PPP2R1B: variants seen among roughly 807,000 people sequenced by gnomAD.
PPP2R1B encodes the protein serine/threonine-protein phosphatase 2A 65 kDa regulatory subunit A beta isoform.
In PPP2R1B, 58 loss-of-function variants were observed where a neutral mutation model predicts 72.7. The observed-to-expected ratio is 0.80, with a 90% CI of 0.65 to 0.99. The LOEUF (loss-of-function observed/expected upper bound fraction) is 0.99. PPP2R1B is among the 50% of genes least tolerant of loss of function. PPP2R1B has a pLI of 0.00. For missense variants in PPP2R1B, 695 were observed against 733.6 expected (o/e 0.95, Z 0.61); for synonymous variants, 256 against 264.6 (o/e 0.97, Z 0.32).
At chr11:111,735,922 ATTCCCT>A (rs1256309493), downstream of PPP2R1B, among the ~76,000 whole-genome samples, 2 of 152,204 alleles carry the variant, frequency 1.3e-5, no homozygotes, top group Non-Finnish European at 2.9e-5. Context: ...GCAACAGCCA[ATTCCCT>A]TTCCATCTCA....
downstream of PPP2R1B, chr11:111,737,465 C>T (rs781147045): frequency 1.2e-6 from 2 of 1,614,272 alleles, no homozygotes. Flanking sequence ...ATGTCCTCTC[C>T]AGGCACTGTG....
At chr11:111,703,621 G>A in the PPP2R1B span, among the ~76,000 whole-genome samples, 3 of 152,160 alleles carry the variant, frequency 2.0e-5, no homozygotes, top group Admixed American at 2.0e-4. Flanking sequence ...GCCCCCATCT[G>A]CCAAAACATT....
At chr11:111,764,679 A>G (rs1555052441) in intron 3 of PPP2R1B, 126 bp downstream of exon 3, 8 of 921,834 alleles carry the variant, frequency 8.7e-6, no homozygotes, top group African/African-American at 5.0e-5. Context: ...TCAATGACTA[A>G]CATTATGACT....
In PPP2R1B at chr11:111,759,093, G is replaced by A. The variant is rs146301168; in HGVS notation, c.687+711C>T. Reference sequence around the variant, plus strand: ...CAGAGAAGCGGGACAGCCTAGCTGTGAAGGGCACAAATTCTGGAGCCAAAC... The same window carrying A: ...CAGAGAAGCGGGACAGCCTAGCTGTAAAGGGCACAAATTCTGGAGCCAAAC... On this transcript the variant is annotated intron_variant, in intron 5 of 14. Coordinates refer to ENST00000527614, the MANE Select transcript of PPP2R1B (RefSeq NM_002716.5). 2.9e-4 allele frequency among the ~76,000 whole-genome samples: 44 copies of A among 152,264 alleles called. No homozygotes were observed. In the East Asian group the frequency reaches 8.1e-3, roughly 28 times the overall value.
rs1374075098 is a variant in PPP2R1B at position 111,739,645 on chromosome 11, T to C, written c.*1951A>G. The stretch of plus-strand genomic sequence containing the variant: ...TTTTAAAAGTCTGTCCCCAAAACAA[T>C]GGCATTTCCAACCAGAGTAAAGCAA... On this transcript the variant is annotated 3_prime_UTR_variant, in exon 15 of 15. Coordinates refer to ENST00000527614, the MANE Select transcript of PPP2R1B (RefSeq NM_002716.5). 4 of 985,314 alleles carry C rather than the reference T, an allele frequency of 4.1e-6. No individual in the cohort carries two copies. Among genetic ancestry groups the C allele is most frequent in the Non-Finnish European group, 4.8e-6 (4 of 829,938 alleles). The allele number at this position is 985,314 out of a possible 1,614,324, so 61.0% of individuals were successfully genotyped here. A position where few individuals can be genotyped will look rare whatever the true frequency, so the allele number is the denominator to read the frequency against.
chr11:111,702,311 G>T, the PPP2R1B span, among the ~76,000 whole-genome samples: 2 of 152,334 alleles, frequency 1.3e-5, no homozygotes, highest in African/African-American at 4.8e-5. Flanking sequence ...TCAGTCAGGT[G>T]CAGTGGTTTA....
the PPP2R1B span, chr11:111,720,365 T>G: frequency 8.8e-7 from 1 of 1,130,102 alleles, no homozygotes; most frequent in South Asian, 1.6e-5. Flanking sequence ...GATGTTTTGA[T>G]TGGAAATTAA....
At chr11:111,718,763 G>C in the PPP2R1B span, 1 of 152,222 alleles carries the variant, frequency 6.6e-6, no homozygotes, top group South Asian at 2.1e-4. Flanking sequence ...TTTTCCAGGT[G>C]AAAGTACTGC....
chr11:111,766,056 G>C (rs1036109924), intron 1 of PPP2R1B, 192 bp downstream of exon 1: 12 of 623,660 alleles, frequency 1.9e-5, no homozygotes, highest in South Asian at 7.2e-5. Flanking sequence ...AAGGTTACTA[G>C]AGAGGTACCC....
At chr11:111,694,310 A>G in the PPP2R1B span, among the ~76,000 whole-genome samples, 15 of 152,166 alleles carry the variant, frequency 9.9e-5, no homozygotes, top group Non-Finnish European at 2.2e-4. Flanking sequence ...CATATTCTCA[A>G]TTGTCTCTGG....
chr11:111,691,908 T>G, the PPP2R1B span, among the ~76,000 whole-genome samples: 2 of 152,162 alleles, frequency 1.3e-5, no homozygotes, highest in Non-Finnish European at 2.9e-5. Flanking sequence ...ACCTTTAAGT[T>G]AATATAACAC....
chr11:111,765,252 A>C, intron 2 of PPP2R1B, 42 bp downstream of exon 2: 2 of 1,539,310 alleles, frequency 1.3e-6, no homozygotes, highest in Non-Finnish European at 1.8e-6. Flanking sequence ...GCTACTGGAA[A>C]ATGGAATGTC....
the PPP2R1B span, among the ~76,000 whole-genome samples, chr11:111,692,233 C>T: frequency 3.3e-5 from 5 of 151,468 alleles, no homozygotes; most frequent in African/African-American, 1.2e-4. Context: ...CGCCTGTAGT[C>T]CCAGCTACTC....
At chr11:111,725,701 T>C (rs1434052750), downstream of PPP2R1B, 1 of 152,620 alleles carries the variant, frequency 6.6e-6, no homozygotes, top group East Asian at 1.9e-4. Flanking sequence ...CCTTTCCTCT[T>C]TGTAGTTAGC....
chr11:111,742,323 A>ACT, intron 13 of PPP2R1B, 179 bp from the exon 14 acceptor site: 1 of 643,754 alleles, frequency 1.6e-6, no homozygotes. Flanking sequence ...GCTTCAGACA[A>ACT]GGATCTACAC....
chr11:111,704,333 G>C, the PPP2R1B span, among the ~76,000 whole-genome samples: 1 of 152,216 alleles, frequency 6.6e-6, no homozygotes, highest in Non-Finnish European at 1.5e-5. Flanking sequence ...AGAACCCAAA[G>C]GAGCAGTTGT....
At position 111,764,893 on chromosome 11, in the gene PPP2R1B, T is replaced by C. The variant is rs1436873370; in HGVS notation, c.218A>G (p.Asp73Gly). Residue 73 changes from aspartate (D) to glycine (G), a missense_variant, in exon 3 of 15, where the codon GAT becomes GGT. Transcript: ENST00000527614. ...AAGAGCTAATAGTACCTCATCTTCA[T>C]CATAAATTGTATCTGGAAGTGACAA... ...LLPFLTDTIYDEDEVLLALAE... is the reference protein window; with the variant it reads ...LLPFLTDTIYGEDEVLLALAE... The C allele has an allele frequency of 4.3e-6, 7 of 1,613,870 alleles. No homozygotes were observed. Among genetic ancestry groups the C allele is most frequent in the African/African-American group, 1.3e-5 (1 of 75,064 alleles).
At chr11:111,727,628 C>CCA (rs1332317895) in intron 15 of PPP2R1B, 1 of 153,970 alleles carries the variant, frequency 6.5e-6, no homozygotes, top group African/African-American at 2.4e-5. Context: ...GACGACTCCC[C>CCA]CACCTCCACC....
At chr11:111,694,521 G>A in the PPP2R1B span, among the ~76,000 whole-genome samples, 1 of 152,044 alleles carries the variant, frequency 6.6e-6, no homozygotes, top group Non-Finnish European at 1.5e-5. Context: ...CAAGGTTTCT[G>A]TATATATGAT....
Sources: gnomAD v4.1 joint callset for allele counts (sites outside exome capture counted in the v4.1 genomes callset) on GRCh38, gnomAD v4.1.1 for gene constraint, MANE v1.5 for transcripts, NCBI Gene and HGNC (gene_info 2026-07-23, HGNC 2026-07-21) for gene names.